Variants in TRAF3 observed in about 807,000 individuals in gnomAD.
The protein encoded by TRAF3 is TNF receptor associated factor 3, also known as TNF receptor-associated factor 3.
A neutral mutation model predicts 62.3 loss-of-function variants in TRAF3; 13 were observed. The ratio of observed to expected loss-of-function variants is 0.21; its 90% confidence interval spans 0.14 to 0.33. The LOEUF is 0.33. TRAF3 is among the 10% of genes least tolerant of loss of function. TRAF3 has a pLI of 1.00. For missense variants in TRAF3, 440 were observed against 741.8 expected, an observed-to-expected ratio of 0.59 and a Z score of 4.73; for synonymous variants, 269 against 283.4, an observed-to-expected ratio of 0.95 and a Z score of 0.51.
chr14:102,804,364 G>A (rs1898640602), intron 1 of TRAF3, among the ~76,000 whole-genome samples: 1 of 152,176 alleles, frequency 6.6e-6, no homozygotes, highest in South Asian at 2.1e-4. Flanking sequence ...TTGGTGCACA[G>A]CAGATGAAAA....
intron 3 of TRAF3, among the ~76,000 whole-genome samples, chr14:102,870,662 G>C (rs144171891): frequency 6.6e-5 from 10 of 152,182 alleles, no homozygotes; most frequent in Admixed American, 2.6e-4. Context: ...GACCTGCCCC[G>C]CCCGTGTCTT....
intron 2 of TRAF3, among the ~76,000 whole-genome samples, chr14:102,848,540 GAA>G (rs1175509838): frequency 1.3e-5 from 2 of 152,196 alleles, no homozygotes; most frequent in Non-Finnish European, 2.9e-5. Flanking sequence ...TTGATAAATT[GAA>G]AAGTGTCAAG....
intron 6 of TRAF3, among the ~76,000 whole-genome samples, chr14:102,877,976 A>G (rs571814002): frequency 8.5e-5 from 13 of 152,392 alleles, no homozygotes; most frequent in Non-Finnish European, 1.5e-4. Flanking sequence ...AGGACTAAAG[A>G]GAAAAGATAG....
intron 1 of TRAF3, among the ~76,000 whole-genome samples, chr14:102,828,498 C>G (rs1013994227): frequency 3.3e-5 from 5 of 152,194 alleles, no homozygotes; most frequent in Non-Finnish European, 7.4e-5. Context: ...CTTACTGATG[C>G]AGTGGGCTTC....
intron 9 of TRAF3, among the ~76,000 whole-genome samples, chr14:102,892,876 G>T (rs1464214795): frequency 1.3e-5 from 2 of 152,252 alleles, no homozygotes; most frequent in African/African-American, 4.8e-5. Context: ...ATGAGCAGCA[G>T]TGCCGGACTC....
chr14:102,809,286 G>A (rs1345433204), intron 1 of TRAF3, among the ~76,000 whole-genome samples: 1 of 150,498 alleles, frequency 6.6e-6, no homozygotes, highest in Non-Finnish European at 1.5e-5. Flanking sequence ...GTGCCTGGCC[G>A]CACCCGGCTA....
chr14:102,787,351 A>G (rs1240281893), intron 1 of TRAF3, among the ~76,000 whole-genome samples: 1 of 152,146 alleles, frequency 6.6e-6, no homozygotes, highest in Non-Finnish European at 1.5e-5. Context: ...GTATTTTAGC[A>G]CTTTTTTTTC....
intron 1 of TRAF3, among the ~76,000 whole-genome samples, chr14:102,798,216 T>A (rs1898204488): frequency 1.3e-5 from 2 of 151,952 alleles, no homozygotes; most frequent in Non-Finnish European, 2.9e-5. Flanking sequence ...CTAGCTTAGT[T>A]CAGAAAACCC....
intron 2 of TRAF3, among the ~76,000 whole-genome samples, chr14:102,838,459 A>G (rs1193355085): frequency 1.3e-5 from 2 of 152,210 alleles, no homozygotes; most frequent in African/African-American, 4.8e-5. Flanking sequence ...AATTCAACAA[A>G]CAAGTGGTAC....
intron 2 of TRAF3, among the ~76,000 whole-genome samples, chr14:102,831,971 C>G (rs1054396499): frequency 6.6e-6 from 1 of 152,156 alleles, no homozygotes; most frequent in Non-Finnish European, 1.5e-5. Flanking sequence ...CCTGTATCAC[C>G]TTTAATAAGG....
At chr14:102,883,631 G>C (rs577919859) in intron 6 of TRAF3, among the ~76,000 whole-genome samples, 5 of 152,168 alleles carry the variant, frequency 3.3e-5, no homozygotes, top group Non-Finnish European at 5.9e-5. Context: ...TGCCGCCCAG[G>C]CTGGAGTGCA....
rs368587711 is a variant in TRAF3 at position 102,816,714 on chromosome 14, C to T, written c.-156-13620C>T. 3.9e-5 allele frequency among the ~76,000 whole-genome samples: 6 copies of T among 152,092 alleles called. No individual in the cohort carries two copies. The East Asian group carries it at 5.8e-4, about 15-fold the overall frequency. On this transcript the variant is annotated intron_variant, in intron 1 of 11. Transcript: ENST00000392745. ...ATATGATTGTGGCAGTTTCTTGATTCGATTCTCTGTTGTTGGACACTTAGG... is the reference window on the plus strand; with the variant it reads ...ATATGATTGTGGCAGTTTCTTGATTTGATTCTCTGTTGTTGGACACTTAGG...
intron 2 of TRAF3, among the ~76,000 whole-genome samples, chr14:102,863,033 A>G (rs1045268685): frequency 2.0e-5 from 3 of 152,068 alleles, no homozygotes; most frequent in Non-Finnish European, 4.4e-5. Flanking sequence ...ATTTTTGAAC[A>G]TGGTTTTCTT....
intron 10 of TRAF3, among the ~76,000 whole-genome samples, chr14:102,899,190 G>T (rs377116740): frequency 4.6e-5 from 7 of 152,210 alleles, no homozygotes; most frequent in African/African-American, 1.7e-4. Flanking sequence ...GGGAAATTCA[G>T]TGTTACCTTT....
chr14:102,870,137 T>G, intron 2 of TRAF3, 48 bp from the exon 3 acceptor site: 4 of 1,613,374 alleles, frequency 2.5e-6, no homozygotes, highest in Non-Finnish European at 8.5e-7. Context: ...TGTGTTTGTT[T>G]CCTTGCATGA....
chr14:102,897,564 A>T (rs1165469459), intron 10 of TRAF3, among the ~76,000 whole-genome samples, 163 bp downstream of exon 10: 1 of 152,126 alleles, frequency 6.6e-6, no homozygotes, highest in Non-Finnish European at 1.5e-5. Flanking sequence ...AGGCAGCTGG[A>T]CTAGCACAGG....
intron 1 of TRAF3, among the ~76,000 whole-genome samples, chr14:102,814,251 C>T (rs1899376580): frequency 6.6e-6 from 1 of 152,066 alleles, no homozygotes; most frequent in African/African-American, 2.4e-5. Context: ...CCTGGGTTTT[C>T]TATTCTTTTC....
intron 2 of TRAF3, among the ~76,000 whole-genome samples, chr14:102,860,487 C>G (rs187478504): frequency 2.0e-5 from 3 of 152,268 alleles, no homozygotes; most frequent in Admixed American, 6.5e-5. Flanking sequence ...GACTTTTAAC[C>G]ATAGCACTCT....
At chr14:102,795,338 A>T (rs1254016763) in intron 1 of TRAF3, among the ~76,000 whole-genome samples, 1 of 152,198 alleles carries the variant, frequency 6.6e-6, no homozygotes, top group Admixed American at 6.6e-5. Context: ...GTGTTTTGGG[A>T]TTAATGAGGG....
Sources: allele counts gnomAD v4.1 joint callset (sites outside exome capture counted in the v4.1 genomes callset), GRCh38; gene constraint gnomAD v4.1.1; transcripts MANE v1.5; gene names NCBI Gene and HGNC (gene_info 2026-07-23, HGNC 2026-07-21).